CCNY: variants seen among roughly 807,000 people sequenced by gnomAD.
The protein encoded by CCNY is cyclin-Y.
Under a neutral mutation model 42.8 loss-of-function variants are expected in CCNY, and 19 were observed. The ratio of observed to expected loss-of-function variants is 0.44; its 90% CI spans 0.31 to 0.65. The LOEUF (loss-of-function observed/expected upper bound fraction) is 0.65. Ranked by LOEUF, CCNY falls within the 30% of genes least tolerant of loss-of-function variation. The pLI is 0.07. For synonymous variants in CCNY, 165 were observed against 162.7 expected (o/e 1.01, Z -0.11); for missense variants, 370 against 437.3 (o/e 0.85, Z 1.37).
chr10:35,343,063 C>T (rs1193712122), intron 1 of CCNY, among the ~76,000 whole-genome samples: 5 of 142,424 alleles, frequency 3.5e-5, no homozygotes, highest in South Asian at 2.2e-4. Flanking sequence ...AGTGCAGTGG[C>T]GCGATCTTGG....
intron 3 of CCNY, among the ~76,000 whole-genome samples, chr10:35,509,199 T>A (rs939317411): frequency 5.9e-5 from 9 of 152,198 alleles, no homozygotes; most frequent in Non-Finnish European, 1.0e-4. Flanking sequence ...TCACCTGGGT[T>A]CTTAACTCCA....
chr10:35,348,474 A>G (rs556551143), intron 1 of CCNY, among the ~76,000 whole-genome samples: 39 of 152,376 alleles, frequency 2.6e-4, no homozygotes, highest in Non-Finnish European at 4.7e-4. Flanking sequence ...CTGCAGGCAC[A>G]CTTGGCTGTT....
chr10:35,336,255 C>T (rs1346887101), upstream of CCNY: 1 of 151,860 alleles, frequency 6.6e-6, no homozygotes, highest in Non-Finnish European at 1.5e-5. Context: ...CCGTCCAGCC[C>T]GGGGGAGTGG....
chr10:35,295,726 G>T (rs1835463913), intron 3 of CCNY, among the ~76,000 whole-genome samples: 1 of 151,510 alleles, frequency 6.6e-6, no homozygotes, highest in Admixed American at 6.6e-5. Context: ...TACAAATATT[G>T]TACTCATACA....
chr10:35,270,245 A>G (rs1340821973), intron 3 of CCNY, among the ~76,000 whole-genome samples: 1 of 152,136 alleles, frequency 6.6e-6, no homozygotes, highest in African/African-American at 2.4e-5. Flanking sequence ...GGGGCACCCG[A>G]TCCCATTCAT....
intron 1 of CCNY, among the ~76,000 whole-genome samples, chr10:35,344,844 C>T (rs917539360): frequency 2.6e-5 from 4 of 151,968 alleles, no homozygotes; most frequent in South Asian, 2.1e-4. Flanking sequence ...TTTGTCCGTG[C>T]GATAGTTTGC....
At position 35,445,082 on chromosome 10, in the gene CCNY, C is replaced by T. The variant is rs1838761552; in HGVS notation, c.155-38322C>T. 2.0e-5 allele frequency among the ~76,000 whole-genome samples: 3 copies of T among 152,342 alleles called. No individual in the cohort carries two copies. The South Asian group carries it at 6.2e-4, about 32-fold the overall frequency. Reference sequence around the variant, plus strand: ...CATGTTTTGGTGGCAGAAGAGTTCACATCTGTGGAACAGTAAATGGAACTG... The same window carrying T: ...CATGTTTTGGTGGCAGAAGAGTTCATATCTGTGGAACAGTAAATGGAACTG... On this transcript the variant is annotated intron_variant, in intron 1 of 9. Coordinates refer to ENST00000374704, the MANE Select transcript of CCNY (RefSeq NM_145012.6).
At chr10:35,437,043 A>C (rs556462455) in intron 1 of CCNY, among the ~76,000 whole-genome samples, 24 of 152,324 alleles carry the variant, frequency 1.6e-4, no homozygotes, top group African/African-American at 5.5e-4. Context: ...CAGCAGGGGA[A>C]ATGTCAAACG....
chr10:35,551,242 G>A (rs767864394), intron 7 of CCNY, among the ~76,000 whole-genome samples: 4 of 152,182 alleles, frequency 2.6e-5, no homozygotes, highest in Middle Eastern at 3.4e-3. Flanking sequence ...AAGTTCAGCC[G>A]CCTCCTCAAA....
intron 2 of CCNY, among the ~76,000 whole-genome samples, chr10:35,498,630 G>A (rs1293777139): frequency 6.6e-6 from 1 of 152,190 alleles, no homozygotes; most frequent in African/African-American, 2.4e-5. Flanking sequence ...AGAGTAATGG[G>A]TCACATGGTC....
chr10:35,431,832 A>G (rs115313450), intron 1 of CCNY, among the ~76,000 whole-genome samples: 135 of 151,948 alleles, frequency 8.9e-4, no homozygotes, highest in African/African-American at 3.0e-3. Flanking sequence ...TTAGCCTCCT[A>G]GTTTTTTGTT....
chr10:35,415,285 G>A (rs1837999739), intron 1 of CCNY, among the ~76,000 whole-genome samples: 1 of 152,032 alleles, frequency 6.6e-6, no homozygotes, highest in Non-Finnish European at 1.5e-5. Context: ...TGTCCTGAGG[G>A]CAGGAGGGCT....
chr10:35,333,416 T>A (rs1589040056), upstream of CCNY, among the ~76,000 whole-genome samples: 1 of 152,292 alleles, frequency 6.6e-6, no homozygotes, highest in East Asian at 1.9e-4. Flanking sequence ...GCTCCCCTCA[T>A]CCCTTTCTCT....
chr10:35,553,100 C>T lies in CCNY; in HGVS notation c.661C>T (p.Leu221=). The change falls in exon 8 of 10, where the codon CTG becomes TTG. Residue 221 remains leucine, a synonymous_variant. Coordinates refer to ENST00000374704, the MANE Select transcript of CCNY (RefSeq NM_145012.6). ...GAAGCGGATTGTTTTAGGGGCGATC[C>T]TGCTGGCCTCCAAGGTGTGGGATGA... is the stretch of plus-strand genomic sequence containing the variant. ...NWKRIVLGAI[L]LASKVWDDQA... The T allele has an allele frequency of 3.1e-6, 5 of 1,614,200 alleles. No individual in the cohort carries two copies. The highest frequency in any genetic ancestry group is 4.2e-6 in the Non-Finnish European group (5 of 1,180,042).
chr10:35,392,417 A>T (rs2135213018), intron 1 of CCNY, among the ~76,000 whole-genome samples: 1 of 152,342 alleles, frequency 6.6e-6, no homozygotes, highest in East Asian at 1.9e-4. Context: ...AATAGGACTA[A>T]ATGCTATTAA....
intron 4 of CCNY, among the ~76,000 whole-genome samples, chr10:35,525,496 G>A (rs994465173): frequency 6.6e-6 from 1 of 152,120 alleles, no homozygotes; most frequent in East Asian, 1.9e-4. Context: ...TAACTTGAGC[G>A]GATTGCCAAG....
intron 1 of CCNY, among the ~76,000 whole-genome samples, chr10:35,373,529 A>G (rs1836984388): frequency 6.6e-6 from 1 of 152,212 alleles, no homozygotes; most frequent in Admixed American, 6.5e-5. Flanking sequence ...CATACCTCTT[A>G]TAACTGGGTC....
chr10:35,379,217 G>T (rs1051444554), intron 1 of CCNY, among the ~76,000 whole-genome samples: 1 of 152,210 alleles, frequency 6.6e-6, no homozygotes, highest in Non-Finnish European at 1.5e-5. Context: ...AGTGTCTTGA[G>T]AGAGCAGGGA....
chr10:35,374,991 T>C (rs962789392), intron 1 of CCNY, among the ~76,000 whole-genome samples: 7 of 151,940 alleles, frequency 4.6e-5, no homozygotes, highest in Non-Finnish European at 1.0e-4. Context: ...GGGAAAAGAG[T>C]GTGGCCAGGT....
Sources: gnomAD v4.1 joint callset for allele counts (sites outside exome capture counted in the v4.1 genomes callset) on GRCh38, gnomAD v4.1.1 for gene constraint, MANE v1.5 for transcripts, NCBI Gene and HGNC (gene_info 2026-07-23, HGNC 2026-07-21) for gene names.